The following RAB38 variants were observed in gnomAD, a reference collection of about 807,000 sequenced individuals.
RAB38 encodes the protein RAB38, member RAS oncogene family.
RAB38 carries 15 observed loss-of-function variants against 18.4 expected under a neutral mutation model. That is an observed-to-expected ratio of 0.82 (90% CI 0.55 to 1.26). RAB38 has a LOEUF of 1.26. Ranked by LOEUF, RAB38 falls within the 50% of genes most tolerant of loss-of-function variation. The pLI, the probability that RAB38 is intolerant of heterozygous loss-of-function variation, is 0.00. For missense variants in RAB38, 294 were observed against 267.4 expected (o/e 1.10, Z -0.69); for synonymous variants, 101 against 104.4 (o/e 0.97, Z 0.20).
At chr11:88,030,850 AAG>A in the RAB38 span, among the ~76,000 whole-genome samples, 1 of 152,044 alleles carries the variant, frequency 6.6e-6, no homozygotes, top group African/African-American at 2.4e-5. Context: ...TCAATAGAAA[AAG>A]AGGGAATCCT....
chr11:88,021,401 C>T, the RAB38 span, among the ~76,000 whole-genome samples: 2 of 151,920 alleles, frequency 1.3e-5, no homozygotes, highest in African/African-American at 4.8e-5. Context: ...AAATTAAAAA[C>T]CAAACAGACC....
the RAB38 span, among the ~76,000 whole-genome samples, chr11:87,946,931 GT>G: frequency 5.1e-5 from 7 of 136,154 alleles, no homozygotes; most frequent in Non-Finnish European, 9.5e-5. Flanking sequence ...GGGTCAAATG[GT>G]ATTTCTAGTT....
chr11:88,036,908 T>C, the RAB38 span, among the ~76,000 whole-genome samples: 34 of 152,078 alleles, frequency 2.2e-4, no homozygotes, highest in Admixed American at 1.9e-3. Flanking sequence ...TGCAAATACT[T>C]AGGATTCTTG....
chr11:87,921,954 C>T, the RAB38 span, among the ~76,000 whole-genome samples: 4 of 151,836 alleles, frequency 2.6e-5, no homozygotes, highest in African/African-American at 9.7e-5. Context: ...TTCTGCCAAC[C>T]ACAAGGAAGG....
chr11:88,003,637 T>TAG, the RAB38 span, among the ~76,000 whole-genome samples: 1 of 44,530 alleles, frequency 2.2e-5, no homozygotes, highest in Non-Finnish European at 3.9e-5. Context: ...TTATATATAA[T>TAG]ATATATAATA....
At chr11:87,872,749 G>C in the RAB38 span, among the ~76,000 whole-genome samples, 1 of 151,654 alleles carries the variant, frequency 6.6e-6, no homozygotes, top group South Asian at 2.1e-4. Flanking sequence ...TTAGTAATAT[G>C]CATTTAAGGT....
At chr11:87,934,741 G>A in the RAB38 span, among the ~76,000 whole-genome samples, 1 of 151,632 alleles carries the variant, frequency 6.6e-6, no homozygotes, top group Admixed American at 6.6e-5. Context: ...AGTCTGATCA[G>A]GAAAAAAGAA....
chr11:88,171,991 A>G (rs1943316444), intron 1 of RAB38, among the ~76,000 whole-genome samples: 1 of 152,218 alleles, frequency 6.6e-6, no homozygotes, highest in Non-Finnish European at 1.5e-5. Context: ...TCCAGTTAGA[A>G]AGGAGAAGGT....
At chr11:88,080,101 C>T in the RAB38 span, among the ~76,000 whole-genome samples, 2 of 151,556 alleles carry the variant, frequency 1.3e-5, no homozygotes, top group African/African-American at 2.4e-5. Flanking sequence ...AGAAATAAAA[C>T]TGTCTGTATC....
the RAB38 span, among the ~76,000 whole-genome samples, chr11:87,925,275 G>A: frequency 6.6e-6 from 1 of 151,956 alleles, no homozygotes; most frequent in Non-Finnish European, 1.5e-5. Flanking sequence ...TAATTCAAAC[G>A]CCAATTCTTC....
At chr11:87,946,289 A>C in the RAB38 span, among the ~76,000 whole-genome samples, 2 of 152,112 alleles carry the variant, frequency 1.3e-5, no homozygotes, top group African/African-American at 4.8e-5. Context: ...GTCACCTCTA[A>C]GCCACATGGG....
the RAB38 span, among the ~76,000 whole-genome samples, chr11:88,015,707 A>G: frequency 3.3e-4 from 50 of 152,290 alleles, no homozygotes; most frequent in African/African-American, 1.2e-3. Context: ...GCACCCAGTC[A>G]TCCTAAAAGC....
chr11:87,975,285 C>G, the RAB38 span, among the ~76,000 whole-genome samples: 1 of 151,934 alleles, frequency 6.6e-6, no homozygotes, highest in Non-Finnish European at 1.5e-5. Flanking sequence ...TTCCAGGTCA[C>G]ATGAATTTTA....
At chr11:87,887,010 C>A in the RAB38 span, among the ~76,000 whole-genome samples, 1 of 151,872 alleles carries the variant, frequency 6.6e-6, no homozygotes, top group Non-Finnish European at 1.5e-5. Flanking sequence ...CTGATATATT[C>A]GGCCCCAAAC....
chr11:88,038,544 A>T, the RAB38 span, among the ~76,000 whole-genome samples: 1 of 151,624 alleles, frequency 6.6e-6, no homozygotes, highest in Non-Finnish European at 1.5e-5. Context: ...ATTTCCTCAC[A>T]CTTAGTAGGT....
At chr11:87,914,926 T>C in the RAB38 span, among the ~76,000 whole-genome samples, 1 of 152,146 alleles carries the variant, frequency 6.6e-6, no homozygotes. Context: ...GGGCTGCAGG[T>C]GCCCAGAATG....
chr11:87,836,956 CACTT>C, the RAB38 span, among the ~76,000 whole-genome samples: 5 of 152,202 alleles, frequency 3.3e-5, no homozygotes, highest in African/African-American at 7.2e-5. Context: ...CTCAGTGCCT[CACTT>C]ACTAGGTGAA....
the RAB38 span, among the ~76,000 whole-genome samples, chr11:87,872,290 T>C: frequency 2.0e-5 from 3 of 151,558 alleles, no homozygotes; most frequent in East Asian, 5.9e-4. Flanking sequence ...TTTTTTCCTA[T>C]AGACTATATT....
the RAB38 span, among the ~76,000 whole-genome samples, chr11:87,804,895 TCA>T: frequency 6.6e-6 from 1 of 152,244 alleles, no homozygotes; most frequent in Non-Finnish European, 1.5e-5. Flanking sequence ...ATGATTTTTC[TCA>T]GTGTTATCAT....
Sources: allele counts gnomAD v4.1 joint callset (sites outside exome capture counted in the v4.1 genomes callset), GRCh38; gene constraint gnomAD v4.1.1; transcripts MANE v1.5; gene names NCBI Gene and HGNC (gene_info 2026-07-23, HGNC 2026-07-21).